The following TAF1A variants were observed in gnomAD, a reference collection of about 807,000 sequenced individuals.
TAF1A encodes the protein TATA box-binding protein-associated factor RNA polymerase I subunit A.
TAF1A carries 42 observed loss-of-function variants against 61.6 expected under a neutral mutation model. The ratio of observed to expected loss-of-function variants is 0.68; its 90% CI spans 0.53 to 0.88. The LOEUF (loss-of-function observed/expected upper bound fraction) is 0.88. Among genes scored for constraint, TAF1A ranks in the 40% least tolerant of loss-of-function variants. The probability of loss-of-function intolerance (pLI) is 0.00; values close to 1 mark genes in which losing one functional copy is unlikely to be tolerated. For synonymous variants in TAF1A, 179 were observed against 177.7 expected, an observed-to-expected ratio of 1.01 and a Z score of -0.06; for missense variants, 424 against 518.7, an observed-to-expected ratio of 0.82 and a Z score of 1.77.
chr1:222,588,149 T>C (rs575542523), intron 2 of TAF1A, among the ~76,000 whole-genome samples: 1 of 152,156 alleles, frequency 6.6e-6, no homozygotes. Context: ...TTTTCCTCAA[T>C]GGCAGAGACC....
Position 222,589,781 on chromosome 1 carries a change from C to A in TAF1A, c.-57G>T. The A allele has an allele frequency of 3.0e-6, 1 of 333,778 alleles. No homozygotes were observed. The highest frequency in any genetic ancestry group is 1.5e-4 in the South Asian group (1 of 6,484). The allele number at this position is 333,778 out of a possible 1,614,324, so 20.7% of individuals were successfully genotyped here. On this transcript the variant is annotated 5_prime_UTR_variant, in exon 1 of 11. Coordinates refer to ENST00000352967, the MANE Select transcript of TAF1A (RefSeq NM_005681.4). ...CTAAACTCAGTCTCCGACTCCGGCC[C>A]ACGTGAAGAAATTCCCACCGGAAGA...
chr1:222,579,638 T>G lies in TAF1A; in HGVS notation c.405+121A>C, dbSNP rs527920329. The G allele has an allele frequency of 1.9e-5, 23 of 1,195,106 alleles. No homozygotes were observed. In the South Asian group the frequency reaches 3.1e-4, roughly 16 times the overall value. 74.0% of individuals were successfully genotyped at this position (1,195,106 alleles called of 1,614,324 possible). A position where few individuals can be genotyped will look rare whatever the true frequency, so the allele number is the denominator to read the frequency against. ...GCTCTTTTCTTTCAGTTTCTCTTAT[T>G]TATCCAGAATGTCTTATCCTTGTCC... On this transcript the variant is annotated intron_variant, in intron 4 of 10. Coordinates refer to ENST00000352967, the MANE Select transcript of TAF1A (RefSeq NM_005681.4).
In TAF1A at chr1:222,584,112, C is replaced by T; in HGVS notation, c.291+16G>A. On this transcript the variant is annotated intron_variant, in intron 3 of 10. Transcript: ENST00000352967. The stretch of plus-strand genomic sequence containing the variant: ...GGAATCTATCATTTCTTCCAGCAAA[C>T]TCAAATTTTATTTACCTCAGGTGCA... 1 of 1,602,524 alleles carries T rather than the reference C, an allele frequency of 6.2e-7. No individual in the cohort carries two copies. The highest frequency in any genetic ancestry group is 1.1e-5 in the South Asian group (1 of 88,980).
At chr1:222,563,121 T>C in intron 9 of TAF1A, 52 bp downstream of exon 9, 1 of 1,471,138 alleles carries the variant, frequency 6.8e-7, no homozygotes, top group Non-Finnish European at 9.3e-7. Flanking sequence ...AGCTAAAATA[T>C]TGGGAAATAT....
At chr1:222,559,275 A>G (rs555410220) in intron 10 of TAF1A, among the ~76,000 whole-genome samples, 1 of 152,364 alleles carries the variant, frequency 6.6e-6, no homozygotes, top group South Asian at 2.1e-4. Flanking sequence ...GGATTAGAAT[A>G]AACAAATCAT....
downstream of TAF1A, among the ~76,000 whole-genome samples, chr1:222,556,445 TG>T (rs1312741897): frequency 6.6e-6 from 1 of 152,202 alleles, no homozygotes; most frequent in Non-Finnish European, 1.5e-5. Flanking sequence ...CCACATTGAT[TG>T]GGTTGGGATC....
intron 10 of TAF1A, among the ~76,000 whole-genome samples, chr1:222,560,273 AGAG>A (rs1333232483): frequency 6.6e-6 from 1 of 152,212 alleles, no homozygotes; most frequent in Non-Finnish European, 1.5e-5. Context: ...TAACAGCCTG[AGAG>A]GAGATGTGGC....
intron 3 of TAF1A, among the ~76,000 whole-genome samples, chr1:222,582,451 T>C (rs1356225733): frequency 6.6e-6 from 1 of 152,124 alleles, no homozygotes; most frequent in Non-Finnish European, 1.5e-5. Flanking sequence ...AATAACAAAA[T>C]ATTGGCAAGG....
At chr1:222,558,914 C>A in intron 10 of TAF1A, 142 bp from the exon 11 acceptor site, 2 of 441,338 alleles carry the variant, frequency 4.5e-6, no homozygotes, top group Non-Finnish European at 8.2e-6. Flanking sequence ...ATGTCCTAAG[C>A]ATATTCTCAG....
At chr1:222,581,509 T>C (rs1332281357) in intron 3 of TAF1A, among the ~76,000 whole-genome samples, 1 of 152,194 alleles carries the variant, frequency 6.6e-6, no homozygotes. Context: ...GGCACTGTTT[T>C]AACCCTGCCC....
chr1:222,571,715 AT>A (rs1006912533), intron 5 of TAF1A, among the ~76,000 whole-genome samples: 1 of 152,140 alleles, frequency 6.6e-6, no homozygotes, highest in African/African-American at 2.4e-5. Context: ...TTGAAAAAAA[AT>A]TTTTTAAGAC....
Position 222,579,826 on chromosome 1 carries a change from C to T in TAF1A, c.338G>A (p.Ser113Asn), listed in dbSNP as rs1660714743. The T allele has an allele frequency of 7.5e-6, 12 of 1,609,574 alleles. No individual in the cohort carries two copies. The highest frequency in any genetic ancestry group is 1.0e-5 in the Non-Finnish European group (12 of 1,178,992). The change falls in exon 4 of 11, where the codon AGC (serine) becomes AAC (asparagine). Residue 113 changes from serine to asparagine, a missense_variant. By Grantham distance (46) the Ser-to-Asn change is conservative. Transcript: ENST00000352967. ...GSEILFYHPK[S>N]NMESFNTFAN... Reference sequence around the variant, plus strand: ...AAAAGTATTGAAACTCTCCATGTTGCTTTTGGGATGATAAAATAGAATTTC... The same window carrying T: ...AAAAGTATTGAAACTCTCCATGTTGTTTTTGGGATGATAAAATAGAATTTC...
chr1:222,554,558 T>C (rs1659706507), downstream of TAF1A, among the ~76,000 whole-genome samples: 1 of 152,206 alleles, frequency 6.6e-6, no homozygotes, highest in African/African-American at 2.4e-5. Context: ...GCTGTAAATA[T>C]AGGTAAATAA....
At position 222,559,028 on chromosome 1, in the gene TAF1A, C is replaced by T. The variant is rs981444282; in HGVS notation, c.1241-256G>A. Among the ~76,000 whole-genome samples the T allele has an allele frequency of 5.3e-5, 8 of 152,242 alleles. No individual in the cohort carries two copies. The East Asian group carries it at 1.2e-3, about 22-fold the overall frequency. ...TGTGCCCAACGAAACATATTTCTTC[C>T]TATATATAAAGATGTTTCTAATCCA... On this transcript the variant is annotated intron_variant, in intron 10 of 10. Transcript: ENST00000352967.
downstream of TAF1A, among the ~76,000 whole-genome samples, chr1:222,555,924 A>G (rs374860578): frequency 1.3e-5 from 2 of 152,176 alleles, no homozygotes; most frequent in East Asian, 1.9e-4. Flanking sequence ...ACGAATGGTT[A>G]TAAGTAGTAA....
At chr1:222,561,725 C>G (rs1659924977) in intron 9 of TAF1A, among the ~76,000 whole-genome samples, 1 of 152,184 alleles carries the variant, frequency 6.6e-6, no homozygotes, top group Admixed American at 6.6e-5. Context: ...ATCCCATTTT[C>G]CATTTCACTA....
At chr1:222,569,122 G>T in intron 7 of TAF1A, 1 of 464,450 alleles carries the variant, frequency 2.2e-6, no homozygotes, top group Admixed American at 5.3e-5. Flanking sequence ...AGGCATTCTG[G>T]GGGCGACAGA....
Position 222,570,564 on chromosome 1 carries a change from A to C in TAF1A, c.706T>G (p.Trp236Gly), listed in dbSNP as rs771045489. 24 of 1,612,274 alleles carry C rather than the reference A, an allele frequency of 1.5e-5. No homozygotes were observed. The highest frequency in any genetic ancestry group is 1.7e-5 in the Non-Finnish European group (20 of 1,178,836). The part of the protein sequence containing the change: ...ISALIKIPGV[W>G]DPFVKSYVEM... ...ACATAACTCTTCACAAAAGGGTCCCAAACTCCAGGAATTTTAATCAATGCA... is the reference window on the plus strand; with the variant it reads ...ACATAACTCTTCACAAAAGGGTCCCCAACTCCAGGAATTTTAATCAATGCA... Residue 236 changes from tryptophan to glycine, a missense_variant, in exon 6 of 11, where the codon TGG becomes GGG. Trp to Gly is a radical substitution (Grantham distance 184, BLOSUM62 -2). Coordinates refer to ENST00000352967, the MANE Select transcript of TAF1A (RefSeq NM_005681.4).
intron 2 of TAF1A, among the ~76,000 whole-genome samples, chr1:222,586,405 T>C (rs578161706): frequency 1.3e-5 from 2 of 152,346 alleles, no homozygotes; most frequent in Admixed American, 6.5e-5. Flanking sequence ...TTTAGATAAC[T>C]ATACCTAAAT....
Sources: gnomAD v4.1 joint callset for allele counts (sites outside exome capture counted in the v4.1 genomes callset) on GRCh38, gnomAD v4.1.1 for gene constraint, MANE v1.5 for transcripts, NCBI Gene and HGNC (gene_info 2026-07-23, HGNC 2026-07-21) for gene names.